Variants in FAM193B observed in about 807,000 individuals in gnomAD.
FAM193B encodes the protein family with sequence similarity 193 member B.
Under a neutral mutation model 70.7 loss-of-function variants are expected in FAM193B, and 27 were observed. That is an observed-to-expected ratio of 0.38 (90% CI 0.28 to 0.53). The LOEUF is 0.53. Among genes scored for constraint, FAM193B ranks in the 20% least tolerant of loss-of-function variants. The pLI is 0.81. For missense variants in FAM193B, 1,022 were observed against 1,072.5 expected (o/e 0.95, Z 0.66); for synonymous variants, 448 against 436.0 (o/e 1.03, Z -0.34).
Position 177,532,508 on chromosome 5 carries a change from A to G in FAM193B, c.1210T>C (p.Ser404Pro), listed in dbSNP as rs1422833064. Residue 404 changes from serine to proline, a missense_variant, in exon 5 of 9, where the codon TCC (serine) becomes CCC (proline). Coordinates refer to ENST00000514747, the MANE Select transcript of FAM193B (RefSeq NM_001190946.3). This position sits in a 1 kb window ranked among gnomAD's most constrained non-coding sequence, Gnocchi z 4.9. ...SSERSSCTSS[S>P]THQRDGKFCD... ...AACTTCCCATCTCTCTGGTGGGTGGAGGATGAGGTGCAGGAGCTTCGCTCA... is the reference window on the plus strand; with the variant it reads ...AACTTCCCATCTCTCTGGTGGGTGGGGGATGAGGTGCAGGAGCTTCGCTCA... 8 of 1,611,528 alleles carry G rather than the reference A, an allele frequency of 5.0e-6. No homozygotes were observed. Among genetic ancestry groups the G allele is most frequent in the Non-Finnish European group, 6.8e-6 (8 of 1,179,066 alleles).
Position 177,536,433 on chromosome 5 carries a change from C to CT in FAM193B, c.1000dup (p.Ser334LysfsTer23), listed in dbSNP as rs1318508135. ...ACTGCAGTGCCCACCACAGTGCCCGCTGCAGGGGTGGCTGCACCCCGAGAA... is the reference window on the plus strand; with the variant it reads ...ACTGCAGTGCCCACCACAGTGCCCGCTTGCAGGGGTGGCTGCACCCCGAGAA... On this transcript the variant is annotated frameshift_variant, in exon 4 of 9. Transcript: ENST00000514747. LOFTEE classifies it high-confidence loss of function. 1 of 1,596,814 alleles carries CT rather than the reference C, an allele frequency of 6.3e-7. No individual in the cohort carries two copies. Among genetic ancestry groups the CT allele is most frequent in the Non-Finnish European group, 8.5e-7 (1 of 1,174,936 alleles).
chr5:177,524,158 C>A, intron 6 of FAM193B, 27 bp downstream of exon 6: 1 of 1,584,894 alleles, frequency 6.3e-7, no homozygotes, highest in Non-Finnish European at 8.6e-7. Context: ...GGTAGGGGGT[C>A]AGCCGCTCAG....
intron 1 of FAM193B, among the ~76,000 whole-genome samples, chr5:177,539,965 G>A (rs977177292): frequency 1.3e-5 from 2 of 151,848 alleles, no homozygotes; most frequent in African/African-American, 4.9e-5. Context: ...GCCCAATACA[G>A]TCATTATTTG....
At chr5:177,540,503 C>T (rs1293107286) in intron 1 of FAM193B, among the ~76,000 whole-genome samples, 1 of 152,140 alleles carries the variant, frequency 6.6e-6, no homozygotes, top group Non-Finnish European at 1.5e-5. Flanking sequence ...AGCAAATAGG[C>T]TGCCAGCCAT....
chr5:177,525,392 G>A (rs1174719683), intron 5 of FAM193B, 187 bp from the exon 6 acceptor site: 1 of 469,618 alleles, frequency 2.1e-6, no homozygotes, highest in Non-Finnish European at 3.5e-6. Context: ...CATGTCCTGG[G>A]GGCAGGGGTA....
In FAM193B at chr5:177,532,996, G is replaced by A. The variant is rs1434913964; in HGVS notation, c.1077-355C>T. Among the ~76,000 whole-genome samples the A allele has an allele frequency of 1.6e-4, 24 of 152,196 alleles. No individual in the cohort carries two copies. The highest frequency in any genetic ancestry group is 2.4e-5 in the African/African-American group (1 of 41,444). ...ATTTGTCTCTCAAACTGGACTGCAC[G>A]CCTCAAGGGCAGGGGCTGTGTTGCT... On this transcript the variant is annotated intron_variant, in intron 4 of 8. Coordinates refer to ENST00000514747, the MANE Select transcript of FAM193B (RefSeq NM_001190946.3). This position sits in a 1 kb window ranked among gnomAD's most constrained non-coding sequence, Gnocchi z 4.9.
intron 5 of FAM193B, chr5:177,531,656 G>A (rs999940226): frequency 1.2e-6 from 1 of 812,502 alleles, no homozygotes; most frequent in Non-Finnish European, 1.7e-6. Flanking sequence ...AGGCCACATG[G>A]CTTCACCCTC....
chr5:177,524,664 T>C lies in FAM193B; in HGVS notation c.1817A>G (p.Tyr606Cys). 2 of 1,611,990 alleles carry C rather than the reference T, an allele frequency of 1.2e-6. No individual in the cohort carries two copies. Among genetic ancestry groups the C allele is most frequent in the African/African-American group, 2.7e-5 (2 of 74,974 alleles). Reference sequence around the variant, plus strand: ...TGAGCTTGGCTCCTCGGAGCTGGGGTAGCCCGGCTTGGGTGTCTTGACCCA... The same window carrying C: ...TGAGCTTGGCTCCTCGGAGCTGGGGCAGCCCGGCTTGGGTGTCTTGACCCA... ...VIWVKTPKPG[Y>C]PSSEEPSSKE... The change falls in exon 6 of 9, where the codon TAC becomes TGC. Residue 606 changes from tyrosine to cysteine, a missense_variant. Tyr to Cys is a radical substitution (Grantham distance 194, BLOSUM62 -2). Coordinates refer to ENST00000514747, the MANE Select transcript of FAM193B (RefSeq NM_001190946.3).
rs1762218067 is a variant in FAM193B, at chr5:177,524,192, G to A, written c.2289C>T (p.Ser763=). 6.4e-7 allele frequency: 1 copy of A among 1,562,332 alleles called. No homozygotes were observed. Among genetic ancestry groups the A allele is most frequent in the African/African-American group, 1.4e-5 (1 of 73,480 alleles). ...AGTTCCTGGTGCACTCACCCAAGGA[G>A]GAGGCTGGCTTCTCCTGCTTGTTGC... The part of the protein sequence containing the change: ...RSRNKQEKPA[S]SLDDVFLPKD... Residue 763 remains serine (S), a synonymous_variant, in exon 6 of 9, where the codon TCC becomes TCT. Transcript: ENST00000514747.
chr5:177,524,031 G>A lies in FAM193B; in HGVS notation c.2298C>T (p.Asp766=), dbSNP rs1181155546. The part of the protein sequence containing the change: ...NKQEKPASSL[D]DVFLPKDMDG... ...CCATGTCCTTGGGCAGGAACACATC[G>A]TCTAGGAAGACACAGCCAGGAGGGC... Residue 766 remains aspartate (D), a splice_region_variant and synonymous_variant, in exon 7 of 9, where the codon GAC becomes GAT. Transcript: ENST00000514747. 8 of 1,614,050 alleles carry A rather than the reference G, an allele frequency of 5.0e-6. No homozygotes were observed. The highest frequency in any genetic ancestry group is 2.7e-5 in the African/African-American group (2 of 75,064).
chr5:177,552,078 C>T (rs1766331565), intron 1 of FAM193B: 1 of 985,408 alleles, frequency 1.0e-6, no homozygotes, highest in East Asian at 1.1e-4. Flanking sequence ...CTGACACCTA[C>T]AGTTGGAGTC....
chr5:177,524,868 G>C lies in FAM193B; in HGVS notation c.1613C>G (p.Thr538Ser), dbSNP rs1226874438. 1 of 1,511,088 alleles carries C rather than the reference G, an allele frequency of 6.6e-7. No homozygotes were observed. The highest frequency in any genetic ancestry group is 8.8e-7 in the Non-Finnish European group (1 of 1,131,796). The allele number at this position is 1,511,088 out of a possible 1,614,324, so 93.6% of individuals were successfully genotyped here. A position where few individuals can be genotyped will look rare whatever the true frequency, so the allele number is the denominator to read the frequency against. The change falls in exon 6 of 9, where the codon ACT becomes AGT. Residue 538 changes from threonine (T) to serine (S), a missense_variant. Physicochemically the swap from Thr to Ser is moderately conservative, Grantham distance 58 (BLOSUM62 1). Coordinates refer to ENST00000514747, the MANE Select transcript of FAM193B (RefSeq NM_001190946.3). ...PDINLDLSPL[T>S]LGSPQNHTLQ... ...CGTGTGGTTCTGAGGGGAGCCCAAA[G>C]TCAAAGGGGACAGGTCAAGGTTGAT...
Position 177,538,447 on chromosome 5 carries a change from G to A in FAM193B, c.454-340C>T, listed in dbSNP as rs925751392. ...GAGTCCTGAAGCTAAACTGTTCCTG[G>A]GTAAAAGGGAAGATCTGCAGCGACG... On this transcript the variant is annotated intron_variant, in intron 2 of 8. Transcript: ENST00000514747. This position sits in a 1 kb window ranked among gnomAD's most constrained non-coding sequence, Gnocchi z 4.1. Among the ~76,000 whole-genome samples the A allele has an allele frequency of 2.6e-5, 4 of 152,138 alleles. No homozygotes were observed. Among genetic ancestry groups the A allele is most frequent in the Admixed American group, 2.6e-4 (4 of 15,268 alleles).
Position 177,542,746 on chromosome 5 carries a change from T to C in FAM193B, c.211-3599A>G, listed in dbSNP as rs534488984. On this transcript the variant is annotated intron_variant, in intron 1 of 8. Coordinates refer to ENST00000514747, the MANE Select transcript of FAM193B (RefSeq NM_001190946.3). ...GCTTTCTCCTCTCGTAATTCACTTC[T>C]CCTCTCCCATCTCCTCCTAGTACAC... 3.9e-5 allele frequency among the ~76,000 whole-genome samples: 6 copies of C among 152,378 alleles called. No homozygotes were observed. The East Asian group carries it at 1.2e-3, about 29-fold the overall frequency.
At position 177,546,516 on chromosome 5, in the gene FAM193B, A is replaced by G. The variant is rs902876333; in HGVS notation, c.211-7369T>C. On this transcript the variant is annotated intron_variant, in intron 1 of 8. Coordinates refer to ENST00000514747, the MANE Select transcript of FAM193B (RefSeq NM_001190946.3). ...AAAGGCAGAATTTAAAACAGAGCCA[A>G]AACAGTGCATTTCCCAACATGCTAT... is the stretch of plus-strand genomic sequence containing the variant. 2.0e-5 allele frequency among the ~76,000 whole-genome samples: 3 copies of G among 152,252 alleles called. No homozygotes were observed. In the East Asian group the frequency reaches 5.8e-4, roughly 29 times the overall value.
chr5:177,549,738 T>C (rs185836708), intron 1 of FAM193B, among the ~76,000 whole-genome samples: 35 of 152,372 alleles, frequency 2.3e-4, no homozygotes, highest in African/African-American at 8.2e-4. Flanking sequence ...GATCGGTTAG[T>C]GTCTGCACAA....
intron 1 of FAM193B, among the ~76,000 whole-genome samples, chr5:177,542,752 C>T (rs1010761270): frequency 6.6e-6 from 1 of 152,246 alleles, no homozygotes; most frequent in African/African-American, 2.4e-5. Flanking sequence ...CTTCTCCTCT[C>T]CCATCTCCTC....
intron 6 of FAM193B, 69 bp from the exon 7 acceptor site, chr5:177,524,101 C>T (rs1449150268): frequency 1.1e-5 from 17 of 1,612,078 alleles, no homozygotes; most frequent in Middle Eastern, 1.7e-4. Context: ...CTGGGGGCAG[C>T]GCTGTCTACA....
At chr5:177,523,316 A>T (rs1360470158) in intron 7 of FAM193B, 12 of 292,630 alleles carry the variant, frequency 4.1e-5, no homozygotes, top group South Asian at 1.9e-4. Context: ...ACTAATTTTT[A>T]AAAAATTTGC....
Sources: allele counts gnomAD v4.1 joint callset (sites outside exome capture counted in the v4.1 genomes callset), GRCh38; gene constraint gnomAD v4.1.1; non-coding constraint Gnocchi (gnomAD v3.1); transcripts MANE v1.5; gene names NCBI Gene and HGNC (gene_info 2026-07-23, HGNC 2026-07-21).